The following FGF12 variants were observed in gnomAD, a reference collection of about 807,000 sequenced individuals.
The protein encoded by FGF12 is fibroblast growth factor 12, also known as fibroblast growth factor 12B.
Under a neutral mutation model 23.6 loss-of-function variants are expected in FGF12, and 14 were observed. The ratio of observed to expected loss-of-function variants is 0.59; its 90% CI spans 0.39 to 0.93. The LOEUF (loss-of-function observed/expected upper bound fraction) is 0.93. FGF12 is among the 40% of genes least tolerant of loss of function. The pLI is 0.00. For synonymous variants in FGF12, 62 were observed against 77.3 expected (o/e 0.80, Z 1.04); for missense variants, 175 against 217.8 (o/e 0.80, Z 1.24).
chr3:192,411,951 TGGCCGGTTTTTTTTTTCC>T (rs1721212417), intron 2 of FGF12, among the ~76,000 whole-genome samples: 1 of 149,260 alleles, frequency 6.7e-6, no homozygotes, highest in Non-Finnish European at 1.5e-5. Flanking sequence ...GAATAAAATA[TGGCCGGTTTTTTTTTTCC>T]AAAGAAAATG....
intron 2 of FGF12, among the ~76,000 whole-genome samples, chr3:192,571,432 G>A (rs1405110604): frequency 1.3e-5 from 2 of 152,236 alleles, no homozygotes; most frequent in East Asian, 3.9e-4. Context: ...GACTCATGCA[G>A]TACCGGGATC....
intron 2 of FGF12, among the ~76,000 whole-genome samples, chr3:192,415,584 T>C (rs1721322755): frequency 6.6e-6 from 1 of 151,980 alleles, no homozygotes. Context: ...ATTGTTTTGT[T>C]TTATCAACAC....
rs1295701583 is a variant in FGF12 at position 192,491,310 on chromosome 3, C to T, written c.14-130772G>A. Among the ~76,000 whole-genome samples, 18 of 152,250 alleles carry T rather than the reference C, an allele frequency of 1.2e-4. 1 individual carries two copies. In the South Asian group the frequency reaches 3.7e-3, roughly 32 times the overall value. On this transcript the variant is annotated intron_variant, in intron 2 of 5. Transcript: ENST00000445105. Reference sequence around the variant, plus strand: ...ATCTCATCTGTGCTATGTCATACTGCAATGCACCAGATAGATCAGTAATCA... The same window carrying T: ...ATCTCATCTGTGCTATGTCATACTGTAATGCACCAGATAGATCAGTAATCA...
intron 2 of FGF12, among the ~76,000 whole-genome samples, chr3:192,382,351 C>T (rs1020833557): frequency 1.3e-5 from 2 of 152,128 alleles, no homozygotes; most frequent in Admixed American, 1.3e-4. Flanking sequence ...TATAGTCCAT[C>T]TACACTCAGG....
intron 2 of FGF12, among the ~76,000 whole-genome samples, chr3:192,701,065 A>G (rs554191303): frequency 2.6e-5 from 4 of 152,274 alleles, no homozygotes; most frequent in African/African-American, 9.6e-5. Context: ...TTTAAGTCTG[A>G]TAAAAGCTCA....
chr3:192,638,625 T>C (rs1715673206), intron 2 of FGF12, among the ~76,000 whole-genome samples: 1 of 152,248 alleles, frequency 6.6e-6, no homozygotes, highest in Non-Finnish European at 1.5e-5. Context: ...CTCTTAGCAA[T>C]TGAATAATAC....
intron 2 of FGF12, among the ~76,000 whole-genome samples, chr3:192,631,600 A>G (rs1715393701): frequency 6.6e-6 from 1 of 152,154 alleles, no homozygotes; most frequent in African/African-American, 2.4e-5. Context: ...TTGTCTATTT[A>G]AAGTGGAGCT....
intron 2 of FGF12, among the ~76,000 whole-genome samples, chr3:192,625,667 C>T (rs942950169): frequency 6.6e-6 from 1 of 151,922 alleles, no homozygotes; most frequent in African/African-American, 2.4e-5. Flanking sequence ...AGAAAATAAA[C>T]TTTTTTTAAA....
intron 2 of FGF12, among the ~76,000 whole-genome samples, chr3:192,495,167 A>G (rs1306728096): frequency 6.6e-6 from 1 of 152,082 alleles, no homozygotes; most frequent in Non-Finnish European, 1.5e-5. Context: ...CCACTAACAC[A>G]TTTTCTACAG....
intron 2 of FGF12, among the ~76,000 whole-genome samples, chr3:192,572,763 T>A (rs1712697981): frequency 6.6e-6 from 1 of 152,210 alleles, no homozygotes; most frequent in Admixed American, 6.5e-5. Context: ...ATTCACAATT[T>A]ACACCAAGAA....
intron 2 of FGF12, among the ~76,000 whole-genome samples, chr3:192,714,442 C>T (rs1718793711): frequency 6.6e-6 from 1 of 151,008 alleles, no homozygotes; most frequent in Non-Finnish European, 1.5e-5. Context: ...GCAAAATGCA[C>T]GTATATTAGT....
At chr3:192,660,193 A>G (rs1343165733) in intron 2 of FGF12, among the ~76,000 whole-genome samples, 1 of 151,824 alleles carries the variant, frequency 6.6e-6, no homozygotes, top group Admixed American at 6.6e-5. Flanking sequence ...AAAAAGGATG[A>G]GTTCATGTCC....
chr3:192,322,452 A>G (rs1716595761), intron 4 of FGF12, among the ~76,000 whole-genome samples: 1 of 151,990 alleles, frequency 6.6e-6, no homozygotes, highest in African/African-American at 2.4e-5. Context: ...TTCTTTACAG[A>G]AATAGAAAAA....
At chr3:192,147,020 T>A (rs1052595539) in intron 5 of FGF12, among the ~76,000 whole-genome samples, 1 of 152,208 alleles carries the variant, frequency 6.6e-6, no homozygotes, top group African/African-American at 2.4e-5. Context: ...AAGTAAAAGG[T>A]AGGTTTTCCA....
chr3:192,311,419 T>G (rs1372231897), intron 4 of FGF12, among the ~76,000 whole-genome samples: 1 of 152,202 alleles, frequency 6.6e-6, no homozygotes, highest in Admixed American at 6.5e-5. Context: ...GACTAGCTTC[T>G]TCCATATCAC....
chr3:192,181,839 C>T (rs1041113333), intron 4 of FGF12, among the ~76,000 whole-genome samples: 7 of 151,658 alleles, frequency 4.6e-5, no homozygotes, highest in African/African-American at 1.7e-4. Context: ...CTGTGTTCCC[C>T]AGGCTGGTTT....
At chr3:192,363,036 C>A (rs1343793957) in intron 2 of FGF12, among the ~76,000 whole-genome samples, 1 of 147,160 alleles carries the variant, frequency 6.8e-6, no homozygotes, top group African/African-American at 2.5e-5. Context: ...GGGAATTGAA[C>A]AATGAGAACA....
chr3:192,596,145 A>AATATAATATAATATC (rs1713843130), intron 2 of FGF12, among the ~76,000 whole-genome samples: 4 of 148,140 alleles, frequency 2.7e-5, no homozygotes, highest in Non-Finnish European at 5.9e-5. Flanking sequence ...AATATAATAT[A>AATATAATATAATATC]CTCTTAAAAT....
intron 2 of FGF12, among the ~76,000 whole-genome samples, chr3:192,646,459 T>C (rs928322324): frequency 1.6e-4 from 24 of 152,038 alleles, no homozygotes; most frequent in African/African-American, 5.6e-4. Flanking sequence ...ACAAAACACT[T>C]TGATGAAACT....
Sources: allele counts gnomAD v4.1 joint callset (sites outside exome capture counted in the v4.1 genomes callset), GRCh38; gene constraint gnomAD v4.1.1; transcripts MANE v1.5; gene names NCBI Gene and HGNC (gene_info 2026-07-23, HGNC 2026-07-21).